CNBD1: variants seen among roughly 807,000 people sequenced by gnomAD.
The protein encoded by CNBD1 is cyclic nucleotide-binding domain-containing protein 1.
In CNBD1, 71 loss-of-function variants were observed where a neutral mutation model predicts 54.4. The observed-to-expected ratio is 1.30, with a 90% CI of 1.08 to 1.59. The LOEUF (loss-of-function observed/expected upper bound fraction) is 1.59. Ranked by LOEUF, CNBD1 falls within the 40% of genes most tolerant of loss-of-function variation. CNBD1 has a pLI of 0.00. For missense variants in CNBD1, 659 were observed against 518.0 expected (o/e 1.27, Z -2.64); for synonymous variants, 182 against 170.7 (o/e 1.07, Z -0.51).
intron 2 of CNBD1, among the ~76,000 whole-genome samples, chr8:87,407,043 C>T (rs914905998): frequency 6.6e-6 from 1 of 151,908 alleles, no homozygotes; most frequent in Non-Finnish European, 1.5e-5. Context: ...TATATACATA[C>T]ATACAGAAGT....
At chr8:86,893,484 T>A (rs894691465) in intron 2 of CNBD1, among the ~76,000 whole-genome samples, 2 of 152,178 alleles carry the variant, frequency 1.3e-5, no homozygotes, top group Non-Finnish European at 2.9e-5. Flanking sequence ...CTAGATGATA[T>A]TATCTTAAAC....
At chr8:87,301,860 C>A (rs1201569059) in intron 8 of CNBD1, among the ~76,000 whole-genome samples, 1 of 152,124 alleles carries the variant, frequency 6.6e-6, no homozygotes, top group African/African-American at 2.4e-5. Context: ...ATATAAACAC[C>A]TCTATGCAAA....
At chr8:86,969,825 T>C (rs575778442) in intron 4 of CNBD1, among the ~76,000 whole-genome samples, 1,675 of 148,722 alleles carry the variant, frequency 0.011, 32 homozygotes, top group African/African-American at 0.035. Flanking sequence ...CACACACATA[T>C]ATATAGTGTG....
chr8:86,987,397 G>A (rs1219998547), intron 4 of CNBD1, among the ~76,000 whole-genome samples: 1 of 151,978 alleles, frequency 6.6e-6, no homozygotes, highest in Non-Finnish European at 1.5e-5. Flanking sequence ...CAGTTCTAGG[G>A]GCCTTTTGGC....
At chr8:87,062,337 G>A (rs1810563736) in intron 4 of CNBD1, among the ~76,000 whole-genome samples, 1 of 152,050 alleles carries the variant, frequency 6.6e-6, no homozygotes, top group Non-Finnish European at 1.5e-5. Flanking sequence ...TTGCATGTAA[G>A]TGAGCTTTGT....
intron 4 of CNBD1, among the ~76,000 whole-genome samples, chr8:87,088,817 T>C (rs1161626149): frequency 6.6e-6 from 1 of 152,168 alleles, no homozygotes; most frequent in Non-Finnish European, 1.5e-5. Context: ...AGCACTGTTA[T>C]TGCTCTTGGA....
chr8:87,420,154 C>G (rs1405484313), intron 2 of CNBD1, among the ~76,000 whole-genome samples: 1 of 151,780 alleles, frequency 6.6e-6, no homozygotes, highest in East Asian at 1.9e-4. Context: ...TTTTCAGACT[C>G]TTAGTTTTAA....
chr8:87,122,556 C>A (rs1013489600), intron 4 of CNBD1, among the ~76,000 whole-genome samples: 1 of 151,764 alleles, frequency 6.6e-6, no homozygotes, highest in Non-Finnish European at 1.5e-5. Context: ...TCACTTTCGT[C>A]TATTTGTGCT....
intron 2 of CNBD1, among the ~76,000 whole-genome samples, chr8:87,389,222 T>C (rs996871715): frequency 6.6e-6 from 1 of 152,160 alleles, no homozygotes; most frequent in Admixed American, 6.6e-5. Flanking sequence ...ACCGCTGCTA[T>C]TCAACATAGT....
intron 10 of CNBD1, among the ~76,000 whole-genome samples, chr8:87,360,059 AT>A (rs1165923627): frequency 1.3e-5 from 2 of 151,974 alleles, no homozygotes; most frequent in African/African-American, 2.4e-5. Flanking sequence ...TATACTCTCT[AT>A]TTGGTCTTAT....
chr8:87,198,067 A>G (rs1280700431), intron 4 of CNBD1, among the ~76,000 whole-genome samples: 1 of 152,242 alleles, frequency 6.6e-6, no homozygotes, highest in Non-Finnish European at 1.5e-5. Flanking sequence ...AAAATTTTTC[A>G]AAACCTGGAA....
intron 6 of CNBD1, among the ~76,000 whole-genome samples, chr8:87,277,965 C>G (rs1362965675): frequency 2.0e-5 from 3 of 151,386 alleles, no homozygotes; most frequent in African/African-American, 7.3e-5. Context: ...AAGATCATAT[C>G]TGACAATGAA....
chr8:87,348,155 C>T (rs1039027365), intron 8 of CNBD1, among the ~76,000 whole-genome samples: 1 of 151,936 alleles, frequency 6.6e-6, no homozygotes, highest in African/African-American at 2.4e-5. Context: ...TTTAAATGTG[C>T]CACAGAATTC....
intron 8 of CNBD1, among the ~76,000 whole-genome samples, chr8:87,344,862 T>A (rs986428309): frequency 1.3e-5 from 2 of 152,150 alleles, no homozygotes; most frequent in Non-Finnish European, 2.9e-5. Flanking sequence ...TTATAGGTAG[T>A]TAGGCAGTGT....
At chr8:87,332,727 A>G (rs781038582) in intron 8 of CNBD1, among the ~76,000 whole-genome samples, 12 of 151,990 alleles carry the variant, frequency 7.9e-5, no homozygotes, top group Non-Finnish European at 1.6e-4. Context: ...ATTATGTTTC[A>G]TTGGTCTGTA....
intron 8 of CNBD1, among the ~76,000 whole-genome samples, chr8:87,327,406 G>A (rs914185901): frequency 1.1e-4 from 17 of 151,878 alleles, no homozygotes; most frequent in Admixed American, 2.6e-4. Flanking sequence ...CCCCACCCTC[G>A]CTGCTGCCTT....
chr8:86,919,955 C>A (rs1469894339), intron 3 of CNBD1, among the ~76,000 whole-genome samples: 2 of 151,750 alleles, frequency 1.3e-5, no homozygotes, highest in African/African-American at 4.8e-5. Flanking sequence ...GTTCATGGAC[C>A]ACAATTTGAA....
At chr8:87,426,638 T>G (rs1389197431) in intron 2 of CNBD1, among the ~76,000 whole-genome samples, 1 of 152,208 alleles carries the variant, frequency 6.6e-6, no homozygotes, top group African/African-American at 2.4e-5. Context: ...TCCTGAGACA[T>G]CAATTTCTCA....
At chr8:87,169,831 A>T (rs1015505080) in intron 4 of CNBD1, among the ~76,000 whole-genome samples, 5 of 152,102 alleles carry the variant, frequency 3.3e-5, no homozygotes, top group African/African-American at 4.8e-5. Flanking sequence ...ACTTGAAATC[A>T]GGTAATGTGA....
Sources: allele counts gnomAD v4.1 joint callset (sites outside exome capture counted in the v4.1 genomes callset), GRCh38; gene constraint gnomAD v4.1.1; transcripts MANE v1.5; gene names NCBI Gene and HGNC (gene_info 2026-07-23, HGNC 2026-07-21).